MGLL: variants seen among roughly 807,000 people sequenced by gnomAD.
MGLL encodes lysophospholipase homolog.
In MGLL, 7 loss-of-function variants were observed where a neutral mutation model predicts 29.1. The observed-to-expected ratio is 0.24, with a 90% CI of 0.14 to 0.45. MGLL has a LOEUF of 0.45. Among genes scored for constraint, MGLL ranks in the 20% least tolerant of loss-of-function variants. The pLI, the probability that MGLL is intolerant of heterozygous loss-of-function variation, is 0.99. For synonymous variants in MGLL, 148 were observed against 168.3 expected, an observed-to-expected ratio of 0.88 and a Z score of 0.93; for missense variants, 356 against 413.6, an observed-to-expected ratio of 0.86 and a Z score of 1.21.
chr3:127,726,266 AGGAG>A (rs1169537144), intron 3 of MGLL, among the ~76,000 whole-genome samples: 7 of 113,854 alleles, frequency 6.1e-5, no homozygotes, highest in Admixed American at 3.7e-4. Flanking sequence ...GAGAGAGAGA[AGGAG>A]GGAGGGAGAG....
intron 3 of MGLL, among the ~76,000 whole-genome samples, chr3:127,734,738 G>C (rs1385267870): frequency 6.6e-6 from 1 of 152,202 alleles, no homozygotes; most frequent in South Asian, 2.1e-4. Flanking sequence ...ATTCCCCTCA[G>C]CCCAGCAAAT....
At chr3:127,696,950 T>C (rs561805624) in intron 6 of MGLL, among the ~76,000 whole-genome samples, 1 of 152,364 alleles carries the variant, frequency 6.6e-6, no homozygotes, top group African/African-American at 2.4e-5. Flanking sequence ...GCCAGAATTC[T>C]GGACCACACC....
intron 3 of MGLL, among the ~76,000 whole-genome samples, chr3:127,733,818 G>A (rs2076195508): frequency 6.6e-6 from 1 of 152,222 alleles, no homozygotes; most frequent in African/African-American, 2.4e-5. Context: ...TGACTTCCAG[G>A]GTTCAGAGGG....
At chr3:127,696,130 C>T (rs1211473345) in intron 6 of MGLL, among the ~76,000 whole-genome samples, 5 of 152,168 alleles carry the variant, frequency 3.3e-5, no homozygotes, top group African/African-American at 4.8e-5. Flanking sequence ...ACAGGCTGTG[C>T]CCAAGGCCAA....
intron 3 of MGLL, among the ~76,000 whole-genome samples, chr3:127,728,930 A>C (rs1241842157): frequency 6.6e-6 from 1 of 152,120 alleles, no homozygotes; most frequent in African/African-American, 2.4e-5. Flanking sequence ...TAGGAGACAA[A>C]GTGTGGGTTG....
chr3:127,772,567 C>G (rs1220392032), intron 3 of MGLL, among the ~76,000 whole-genome samples: 1 of 152,202 alleles, frequency 6.6e-6, no homozygotes, highest in Admixed American at 6.5e-5. Context: ...GGCTGCTCCT[C>G]CTAGAAGCAG....
chr3:127,781,684 G>T, intron 3 of MGLL, 105 bp downstream of exon 3: 1 of 1,045,194 alleles, frequency 9.6e-7, no homozygotes, highest in Non-Finnish European at 1.5e-6. Context: ...ACATCCGTGG[G>T]GAATAGAAGA....
intron 3 of MGLL, among the ~76,000 whole-genome samples, chr3:127,758,818 C>A (rs1227902112): frequency 2.6e-5 from 4 of 151,772 alleles, no homozygotes; most frequent in Non-Finnish European, 5.9e-5. Flanking sequence ...TGAAAATGTG[C>A]AAAAGTGCAC....
rs35444871 is a variant in MGLL, at chr3:127,807,750, C to CTTT, written c.155+13941_155+13943dup. ...CTAATTTAGACATGCTGTGAAAAGT[C>CTTT]TTTTTTTTTTTTTTTTTTTTTTTTT... On this transcript the variant is annotated intron_variant, in intron 2 of 7. Transcript: ENST00000265052. Among the ~76,000 whole-genome samples the CTTT allele has an allele frequency of 8.2e-4, 49 of 59,468 alleles. 8 individuals carry two copies. The highest frequency in any genetic ancestry group is 2.5e-3 in the African/African-American group (36 of 14,324). 39.0% of individuals were successfully genotyped at this position (59,468 alleles called of 152,430 possible). A position where few individuals can be genotyped will look rare whatever the true frequency, so the allele number is the denominator to read the frequency against.
intron 2 of MGLL, among the ~76,000 whole-genome samples, chr3:127,816,089 T>G (rs2077750855): frequency 6.6e-6 from 1 of 152,180 alleles, no homozygotes; most frequent in Admixed American, 6.5e-5. Flanking sequence ...AATGGCCACT[T>G]GAAGGGACAA....
chr3:127,814,005 T>C (rs2077709567), intron 2 of MGLL, among the ~76,000 whole-genome samples: 1 of 151,724 alleles, frequency 6.6e-6, no homozygotes, highest in Non-Finnish European at 1.5e-5. Context: ...TCTCCCTCCT[T>C]CCTTCCTTCC....
chr3:127,777,280 AG>A (rs2077052528), intron 3 of MGLL, among the ~76,000 whole-genome samples: 1 of 152,258 alleles, frequency 6.6e-6, no homozygotes, highest in Non-Finnish European at 1.5e-5. Flanking sequence ...AAATACATAA[AG>A]TAGAAACAAT....
intron 3 of MGLL, among the ~76,000 whole-genome samples, chr3:127,726,157 A>G (rs1164701650): frequency 3.5e-5 from 1 of 28,914 alleles, no homozygotes; most frequent in Non-Finnish European, 8.2e-5. Flanking sequence ...AGAAAGAAAG[A>G]AAGAAAGAAA....
At chr3:127,744,455 T>G (rs1280824476) in intron 3 of MGLL, among the ~76,000 whole-genome samples, 5 of 152,202 alleles carry the variant, frequency 3.3e-5, no homozygotes, top group Admixed American at 1.3e-4. Context: ...CTGTTGATTT[T>G]CTCTCTCATG....
At chr3:127,726,034 C>T (rs2076024134) in intron 3 of MGLL, among the ~76,000 whole-genome samples, 1 of 148,824 alleles carries the variant, frequency 6.7e-6, no homozygotes, top group African/African-American at 2.5e-5. Context: ...CACTGCTCTC[C>T]AGCCTGGACA....
At chr3:127,819,392 G>A (rs2077817523) in intron 2 of MGLL, among the ~76,000 whole-genome samples, 5 of 152,298 alleles carry the variant, frequency 3.3e-5, no homozygotes, top group South Asian at 4.1e-4. Flanking sequence ...ACAGGCCCCC[G>A]GGGTGGCTTC....
chr3:127,775,849 G>A (rs1236292375), intron 3 of MGLL, among the ~76,000 whole-genome samples: 4 of 152,282 alleles, frequency 2.6e-5, no homozygotes, highest in South Asian at 4.1e-4. Context: ...ACCGTCTCTC[G>A]CAGCAGCGCC....
intron 6 of MGLL, among the ~76,000 whole-genome samples, chr3:127,697,914 G>T (rs1219820105): frequency 6.6e-6 from 1 of 152,188 alleles, no homozygotes; most frequent in Non-Finnish European, 1.5e-5. Context: ...TGGGGTGGGG[G>T]CCACACCCTC....
chr3:127,818,123 G>A (rs532649248), intron 2 of MGLL, among the ~76,000 whole-genome samples: 6 of 152,270 alleles, frequency 3.9e-5, no homozygotes, highest in East Asian at 1.9e-4. Context: ...ACCACACCCC[G>A]GTAATTTTTT....
Sources: allele counts gnomAD v4.1 joint callset (sites outside exome capture counted in the v4.1 genomes callset), GRCh38; gene constraint gnomAD v4.1.1; transcripts MANE v1.5; gene names NCBI Gene and HGNC (gene_info 2026-07-23, HGNC 2026-07-21).